Variants in PHLDB3 observed in about 807,000 individuals in gnomAD.
The protein encoded by PHLDB3 is pleckstrin homology-like domain family B member 3.
In PHLDB3, 86 loss-of-function variants were observed where a neutral mutation model predicts 85.7. The ratio of observed to expected loss-of-function variants is 1.00; its 90% confidence interval spans 0.84 to 1.20. The LOEUF is 1.20. PHLDB3 is among the 50% of genes most tolerant of loss of function. PHLDB3 has a pLI of 0.00. For synonymous variants in PHLDB3, 376 were observed against 349.8 expected (o/e 1.07, Z -0.83); for missense variants, 995 against 873.0 (o/e 1.14, Z -1.76).
chr19:43,495,534 C>T lies in PHLDB3; in HGVS notation c.912G>A (p.Leu304=), dbSNP rs1049090923. The part of the protein sequence containing the change: ...GEQMAAESRG[L]SRKKEEALQA... ...GAAGGGCCTCCTCCTTCTTCCGGCT[C>T]AACCCCCGGCTCTCGGCTGCCATCT... The change falls in exon 7 of 16, where the codon TTG becomes TTA. Residue 304 remains leucine (L), a synonymous_variant. Coordinates refer to ENST00000292140, the MANE Select transcript of PHLDB3 (RefSeq NM_198850.4). 6.2e-7 allele frequency: 1 copy of T among 1,607,354 alleles called. No individual in the cohort carries two copies. The highest frequency in any genetic ancestry group is 8.5e-7 in the Non-Finnish European group (1 of 1,176,998).
Position 43,504,089 on chromosome 19 carries a change from C to A in PHLDB3, c.30G>T (p.Gly10=). 4 of 1,609,662 alleles carry A rather than the reference C, an allele frequency of 2.5e-6. No homozygotes were observed. The highest frequency in any genetic ancestry group is 1.7e-5 in the Admixed American group (1 of 59,424). Residue 10 remains glycine, a synonymous_variant, in exon 2 of 16, where the codon GGG becomes GGT. Coordinates refer to ENST00000292140, the MANE Select transcript of PHLDB3 (RefSeq NM_198850.4). ...ATTCCGGGACCAGCGGCGGCGGGGTCCCCTCCTCGGGGCTGCTTCGCGTCC... is the reference window on the plus strand; with the variant it reads ...ATTCCGGGACCAGCGGCGGCGGGGTACCCTCCTCGGGGCTGCTTCGCGTCC... MGTRSSPEE[G]TPPPLVPECD...
chr19:43,495,687 T>A, intron 6 of PHLDB3, 67 bp from the exon 7 acceptor site: 1 of 1,537,964 alleles, frequency 6.5e-7, no homozygotes, highest in East Asian at 2.4e-5. Flanking sequence ...CAGAACCACA[T>A]CTGCCTGGAG....
intron 13 of PHLDB3, among the ~76,000 whole-genome samples, chr19:43,483,430 C>T (rs916090881): frequency 1.3e-5 from 2 of 151,950 alleles, no homozygotes; most frequent in Non-Finnish European, 2.9e-5. Flanking sequence ...AGGCATGCAC[C>T]ACCACACCTG....
At chr19:43,497,693 C>A in intron 5 of PHLDB3, 55 bp downstream of exon 5, 1 of 1,522,290 alleles carries the variant, frequency 6.6e-7, no homozygotes, top group South Asian at 1.2e-5. Context: ...GCCTGGGCAA[C>A]GAGGCGAGAC....
intron 6 of PHLDB3, chr19:43,496,193 T>G (rs558970869): frequency 6.6e-6 from 1 of 152,610 alleles, no homozygotes; most frequent in East Asian, 1.9e-4. Flanking sequence ...TTTTGTATTT[T>G]TAGTAGAGAT....
intron 2 of PHLDB3, among the ~76,000 whole-genome samples, chr19:43,503,692 C>G (rs1971674809): frequency 6.6e-6 from 1 of 152,148 alleles, no homozygotes; most frequent in Admixed American, 6.6e-5. Flanking sequence ...TGGTTTCTGT[C>G]TCTGTATCTG....
intron 14 of PHLDB3, among the ~76,000 whole-genome samples, chr19:43,479,015 G>C (rs1379033297): frequency 6.6e-6 from 1 of 152,178 alleles, no homozygotes; most frequent in African/African-American, 2.4e-5. Flanking sequence ...CCAGACTCCT[G>C]GCCATTGGGG....
chr19:43,495,753 T>C, intron 6 of PHLDB3, 133 bp from the exon 7 acceptor site: 2 of 1,332,100 alleles, frequency 1.5e-6, no homozygotes, highest in Non-Finnish European at 2.0e-6. Context: ...TGTCCAGGGC[T>C]GGGGACCCAG....
Position 43,504,065 on chromosome 19 carries a change from T to C in PHLDB3, c.54A>G (p.Glu18=). ...EEGTPPPLVP[E]CDVEVQPQGH... is the part of the protein sequence containing the mutation. ...CCTGGGGCTGGACCTCCACGTCGCATTCCGGGACCAGCGGCGGCGGGGTCC... is the reference window on the plus strand; with the variant it reads ...CCTGGGGCTGGACCTCCACGTCGCACTCCGGGACCAGCGGCGGCGGGGTCC... Residue 18 remains glutamate (E), a synonymous_variant, in exon 2 of 16, where the codon GAA becomes GAG. Coordinates refer to ENST00000292140, the MANE Select transcript of PHLDB3 (RefSeq NM_198850.4). The C allele has an allele frequency of 6.2e-7, 1 of 1,613,442 alleles. No individual in the cohort carries two copies. The highest frequency in any genetic ancestry group is 1.1e-5 in the South Asian group (1 of 91,012).
In PHLDB3 at chr19:43,486,816, G is replaced by A; in HGVS notation, c.1304C>T (p.Pro435Leu). The A allele has an allele frequency of 6.3e-7, 1 of 1,591,738 alleles. No homozygotes were observed. The highest frequency in any genetic ancestry group is 8.6e-7 in the Non-Finnish European group (1 of 1,167,352). The change falls in exon 11 of 16, where the codon CCC (proline) becomes CTC (leucine). Residue 435 changes from proline (P) to leucine (L), a missense_variant. Coordinates refer to ENST00000292140, the MANE Select transcript of PHLDB3 (RefSeq NM_198850.4). ...PPAVGDSGRY[P>L]LYQLLNCGRG... ...GCCACAGTTCAGCAGCTGGTAGAGGGGGTATCTGCCGGAGTCCCCCACTGC... is the reference window on the plus strand; with the variant it reads ...GCCACAGTTCAGCAGCTGGTAGAGGAGGTATCTGCCGGAGTCCCCCACTGC...
Position 43,497,751 on chromosome 19 carries a change from CT to C in PHLDB3, c.659del (p.Gln220ArgfsTer3). On this transcript the variant is annotated frameshift_variant, in exon 5 of 16. Coordinates refer to ENST00000292140, the MANE Select transcript of PHLDB3 (RefSeq NM_198850.4). LOFTEE classifies it high-confidence loss of function. ...DQRERLLQGV[Q>X]EMREQLDVAQ... ...AGAAAGAACCAGATGCCATTACCTCCTGCACACCCTGCAGAAGCCGCTCGCG... is the reference window on the plus strand; with the variant it reads ...AGAAAGAACCAGATGCCATTACCTCCGCACACCCTGCAGAAGCCGCTCGCG... The C allele has an allele frequency of 6.4e-7, 1 of 1,551,770 alleles. No individual in the cohort carries two copies. Among genetic ancestry groups the C allele is most frequent in the South Asian group, 1.2e-5 (1 of 84,064 alleles).
chr19:43,478,050 GAAGGCACAGCGT>G lies in PHLDB3; in HGVS notation c.1773_1784del (p.Leu591_Ala594del). The G allele has an allele frequency of 6.2e-7, 1 of 1,611,494 alleles. No homozygotes were observed. The highest frequency in any genetic ancestry group is 2.2e-5 in the East Asian group (1 of 44,852). On this transcript the variant is annotated inframe_deletion, in exon 15 of 16. Coordinates refer to ENST00000292140, the MANE Select transcript of PHLDB3 (RefSeq NM_198850.4). ...GGGTGACATTGAGGGGCTTCACCTT[GAAGGCACAGCGT>G]AAGTGGTCATAATAGACTTCCTCAA...
At chr19:43,491,260 C>T (rs984271835) in intron 9 of PHLDB3, among the ~76,000 whole-genome samples, 2 of 152,160 alleles carry the variant, frequency 1.3e-5, no homozygotes, top group African/African-American at 4.8e-5. Flanking sequence ...ATTTCCCATA[C>T]AGAAGAACAT....
At position 43,497,747 on chromosome 19, in the gene PHLDB3, C is replaced by T; in HGVS notation, c.663+1G>A. ...AAAAAGAAAGAACCAGATGCCATTACCTCCTGCACACCCTGCAGAAGCCGC... is the reference window on the plus strand; with the variant it reads ...AAAAAGAAAGAACCAGATGCCATTATCTCCTGCACACCCTGCAGAAGCCGC... On this transcript the variant is annotated splice_donor_variant, in intron 5 of 15. Coordinates refer to ENST00000292140, the MANE Select transcript of PHLDB3 (RefSeq NM_198850.4). LOFTEE classifies it high-confidence loss of function. 1.9e-6 allele frequency: 3 copies of T among 1,551,470 alleles called. No homozygotes were observed. Among genetic ancestry groups the T allele is most frequent in the Non-Finnish European group, 2.6e-6 (3 of 1,147,052 alleles).
intron 12 of PHLDB3, 26 bp downstream of exon 12, chr19:43,486,583 C>A (rs761291559): frequency 6.2e-7 from 1 of 1,604,412 alleles, no homozygotes; most frequent in South Asian, 1.1e-5. Context: ...GTCTTCTGTT[C>A]CGAAGAGGAT....
intron 13 of PHLDB3, among the ~76,000 whole-genome samples, chr19:43,482,219 C>T (rs117076507): frequency 1.7e-3 from 261 of 152,296 alleles, no homozygotes; most frequent in Non-Finnish European, 3.0e-3. Flanking sequence ...CAGGGATGGG[C>T]TTGGGACTCC....
chr19:43,479,826 C>T (rs1971007124), intron 13 of PHLDB3, among the ~76,000 whole-genome samples: 1 of 152,022 alleles, frequency 6.6e-6, no homozygotes, highest in Admixed American at 6.6e-5. Context: ...AACTGTGAGC[C>T]CCATTTTACA....
At chr19:43,494,577 C>A in intron 9 of PHLDB3, 125 bp downstream of exon 9, 2 of 725,086 alleles carry the variant, frequency 2.8e-6, no homozygotes, top group Non-Finnish European at 4.5e-6. Context: ...CTATCCCCCA[C>A]CGGCCCCATA....
Position 43,479,443 on chromosome 19 carries a change from T to A in PHLDB3, c.1636A>T (p.Ile546Phe). Residue 546 changes from isoleucine (I) to phenylalanine (F), a missense_variant, in exon 14 of 16, where the codon ATC becomes TTC. Ile to Phe is a conservative substitution (Grantham distance 21). Transcript: ENST00000292140. Reference protein sequence around the residue: ...RGPLVKMGGRIKTWRKRWFCF... With the variant: ...RGPLVKMGGRFKTWRKRWFCF... ...AACCATCGCTTCCTCCAGGTCTTGA[T>A]GCGGCCGCCCATCTTCACCAGGGGT... is the stretch of plus-strand genomic sequence containing the variant. 6.4e-7 allele frequency: 1 copy of A among 1,567,106 alleles called. No homozygotes were observed. Among genetic ancestry groups the A allele is most frequent in the Non-Finnish European group, 8.6e-7 (1 of 1,156,286 alleles).
Sources: gnomAD v4.1 joint callset for allele counts (sites outside exome capture counted in the v4.1 genomes callset) on GRCh38, gnomAD v4.1.1 for gene constraint, MANE v1.5 for transcripts, NCBI Gene and HGNC (gene_info 2026-07-23, HGNC 2026-07-21) for gene names.